KCNG1: variants seen among roughly 807,000 people sequenced by gnomAD.
KCNG1 encodes potassium voltage-gated channel modifier subfamily G member 1, also known as voltage-gated potassium channel regulatory subunit KCNG1.
In KCNG1, 17 loss-of-function variants were observed where a neutral mutation model predicts 32.4. The observed-to-expected ratio is 0.52, with a 90% CI of 0.36 to 0.79. The LOEUF (loss-of-function observed/expected upper bound fraction) is 0.79, where lower values mean the gene tolerates loss of function less well. Among genes scored for constraint, KCNG1 ranks in the 30% least tolerant of loss-of-function variants. The pLI is 0.00. For missense variants in KCNG1, 441 were observed against 735.2 expected, an observed-to-expected ratio of 0.60 and a Z score of 4.63; for synonymous variants, 358 against 339.9, an observed-to-expected ratio of 1.05 and a Z score of -0.59.
rs764338988 is a variant in KCNG1 at position 51,009,730 on chromosome 20, C to T, written c.609G>A (p.Glu203=). ...GRDSEGPAEG[E]GRLGRCMRRL... ...GCCGCATGCAGCGCCCCAGGCGGCC[C>T]TCGCCCTCGGCCGGGCCCTCGCTGT... The change falls in exon 2 of 3, where the codon GAG becomes GAA. Residue 203 remains glutamate, a synonymous_variant. Transcript: ENST00000371571. 5 of 1,606,394 alleles carry T rather than the reference C, an allele frequency of 3.1e-6. No homozygotes were observed. In the South Asian group the frequency reaches 3.3e-5, roughly 11 times the overall value.
At position 51,003,846 on chromosome 20, in the gene KCNG1, G is replaced by C; in HGVS notation, c.*193C>G. 1 of 616,184 alleles carries C rather than the reference G, an allele frequency of 1.6e-6. No individual in the cohort carries two copies. Among genetic ancestry groups the C allele is most frequent in the Non-Finnish European group, 2.8e-6 (1 of 361,102 alleles). The allele number at this position is 616,184 out of a possible 1,614,324, so 38.2% of individuals were successfully genotyped here. ...TCCTTTCACGGCTGCAGGCGGAGGG[G>C]CAGGGCCCCTCTGCTGATGTTCTAG... On this transcript the variant is annotated 3_prime_UTR_variant, in exon 3 of 3. Transcript: ENST00000371571.
In KCNG1 at chr20:51,009,919, G is replaced by A. The variant is rs777180000; in HGVS notation, c.420C>T (p.Arg140=). Reference sequence around the variant, plus strand: ...CCTGGAAGGACAGCGCGCACATCTCGCGCAGCAGCCGCAGCTTGCCCGCGC... The same window carrying A: ...CCTGGAAGGACAGCGCGCACATCTCACGCAGCAGCCGCAGCTTGCCCGCGC... ...FLRAGKLRLL[R]EMCALSFQEE... Residue 140 remains arginine (R), a synonymous_variant, in exon 2 of 3, where the codon CGC becomes CGT. Transcript: ENST00000371571. The A allele has an allele frequency of 1.2e-6, 2 of 1,613,636 alleles. No individual in the cohort carries two copies. The highest frequency in any genetic ancestry group is 2.2e-5 in the East Asian group (1 of 44,878).
chr20:51,022,665 C>T (rs1478633156), intron 1 of KCNG1: 1 of 152,268 alleles, frequency 6.6e-6, no homozygotes, highest in African/African-American at 2.4e-5. Context: ...TTGGCCGTAA[C>T]AAGCGCGCTC....
At chr20:51,022,811 C>G (rs544225124) in intron 1 of KCNG1, 59 bp downstream of exon 1, 1 of 152,352 alleles carries the variant, frequency 6.6e-6, no homozygotes, top group East Asian at 1.9e-4. Context: ...TTTGCAGGCT[C>G]GGGGTCCGGT....
Position 51,004,752 on chromosome 20 carries a change from C to A in KCNG1, c.829G>T (p.Gly277Cys). Reference sequence around the variant, plus strand: ...AGGAGGAACTCCAGGGAGAACCAGCCCACGCACACCGACTCCACGATGAAG... The same window carrying A: ...AGGAGGAACTCCAGGGAGAACCAGCACACGCACACCGACTCCACGATGAAG... ...NVFIVESVCV[G>C]WFSLEFLLRL... The change falls in exon 3 of 3, where the codon GGC (glycine) becomes TGC (cysteine). Residue 277 changes from glycine to cysteine, a missense_variant. Around this residue, in one of 6 missense-constraint regions of KCNG1, gnomAD observed 169 missense variants for 297.7 expected, o/e 0.57. Transcript: ENST00000371571. This position sits in a 1 kb window ranked among gnomAD's most constrained non-coding sequence, Gnocchi z 4.3. 6.3e-7 allele frequency: 1 copy of A among 1,591,104 alleles called. No homozygotes were observed. The highest frequency in any genetic ancestry group is 2.3e-5 in the East Asian group (1 of 43,970).
At position 51,004,362 on chromosome 20, in the gene KCNG1, C is replaced by T. The variant is rs1987734003; in HGVS notation, c.1219G>A (p.Glu407Lys). ...VIENEMADSP[E>K]FTSIPACYWW... ...TAGCAGGCAGGGATGCTGGTGAACTCGGGGCTGTCGGCCATCTCGTTCTCG... is the reference window on the plus strand; with the variant it reads ...TAGCAGGCAGGGATGCTGGTGAACTTGGGGCTGTCGGCCATCTCGTTCTCG... The change falls in exon 3 of 3, where the codon GAG (glutamate) becomes AAG (lysine). Residue 407 changes from glutamate to lysine, a missense_variant. Around this residue, in one of 6 missense-constraint regions of KCNG1, gnomAD observed 169 missense variants for 297.7 expected, o/e 0.57. Coordinates refer to ENST00000371571, the MANE Select transcript of KCNG1 (RefSeq NM_002237.4). This position sits in a 1 kb window ranked among gnomAD's most constrained non-coding sequence, Gnocchi z 4.3. The T allele has an allele frequency of 6.2e-7, 1 of 1,613,852 alleles. No individual in the cohort carries two copies. The highest frequency in any genetic ancestry group is 8.5e-7 in the Non-Finnish European group (1 of 1,179,800).
In KCNG1 at chr20:51,023,068, C is replaced by A. The variant is rs1292471757; in HGVS notation, c.-225G>T. The A allele has an allele frequency of 6.6e-6, 1 of 152,164 alleles. No homozygotes were observed. Among genetic ancestry groups the A allele is most frequent in the Non-Finnish European group, 1.5e-5 (1 of 68,024 alleles). 9.4% of individuals were successfully genotyped at this position (152,164 alleles called of 1,614,324 possible). On this transcript the variant is annotated 5_prime_UTR_variant, in exon 1 of 3. Coordinates refer to ENST00000371571, the MANE Select transcript of KCNG1 (RefSeq NM_002237.4). ...GCTCCCGCCCTCGGAGCCACGGCCG[C>A]CCCGTCTCTGCCTCCCGGTCCCCGC...
rs373738017 is a variant in KCNG1 at position 51,009,756 on chromosome 20, C to T, written c.583G>A (p.Asp195Asn). 1 of 1,609,476 alleles carries T rather than the reference C, an allele frequency of 6.2e-7. No individual in the cohort carries two copies. The highest frequency in any genetic ancestry group is 1.7e-5 in the Admixed American group (1 of 59,966). The change falls in exon 2 of 3, where the codon GAC (aspartate) becomes AAC (asparagine). Residue 195 changes from aspartate to asparagine, a missense_variant. Around this residue, in one of 6 missense-constraint regions of KCNG1, gnomAD observed 52 missense variants for 50.3 expected, o/e 1.03. Transcript: ENST00000371571. Reference sequence around the variant, plus strand: ...TCGCCCTCGGCCGGGCCCTCGCTGTCGCGGCCCTCGCTGTCCAGCGCGTCG... The same window carrying T: ...TCGCCCTCGGCCGGGCCCTCGCTGTTGCGGCCCTCGCTGTCCAGCGCGTCG... ...EDDALDSEGRDSEGPAEGEGR... is the reference protein window; with the variant it reads ...EDDALDSEGRNSEGPAEGEGR...
intron 1 of KCNG1, among the ~76,000 whole-genome samples, chr20:51,010,751 C>T (rs1393085504): frequency 6.6e-6 from 1 of 152,066 alleles, no homozygotes; most frequent in African/African-American, 2.4e-5. Flanking sequence ...AAAAACTAGC[C>T]AGGCATGGTG....
Position 51,005,030 on chromosome 20 carries a change from G to C in KCNG1, c.775-224C>G, listed in dbSNP as rs1435330859. The C allele has an allele frequency of 2.3e-6, 1 of 438,622 alleles. No homozygotes were observed. The highest frequency in any genetic ancestry group is 4.0e-6 in the Non-Finnish European group (1 of 251,894). The allele number at this position is 438,622 out of a possible 1,614,324, so 27.2% of individuals were successfully genotyped here. On this transcript the variant is annotated intron_variant, in intron 2 of 2. Transcript: ENST00000371571. This position sits in a 1 kb window ranked among gnomAD's most constrained non-coding sequence, Gnocchi z 4.0. ...ATCTCTCTCTCCAGCCCCCACCTCAGCCCTGAACTCCAGACCCCCAACAGG... is the reference window on the plus strand; with the variant it reads ...ATCTCTCTCTCCAGCCCCCACCTCACCCCTGAACTCCAGACCCCCAACAGG...
At chr20:51,018,117 T>G (rs541787784) in intron 1 of KCNG1, among the ~76,000 whole-genome samples, 1 of 152,262 alleles carries the variant, frequency 6.6e-6, no homozygotes, top group South Asian at 2.1e-4. Flanking sequence ...AGCACATGAC[T>G]GAGGGTACAG....
chr20:51,020,288 A>G (rs567529441), intron 1 of KCNG1, among the ~76,000 whole-genome samples: 57 of 152,274 alleles, frequency 3.7e-4, no homozygotes, highest in African/African-American at 1.3e-3. Flanking sequence ...AAAATTAAGC[A>G]GAGAAGCAGG....
intron 1 of KCNG1, among the ~76,000 whole-genome samples, chr20:51,020,432 C>T (rs1164471097): frequency 3.3e-5 from 5 of 152,222 alleles, no homozygotes; most frequent in Middle Eastern, 3.4e-3. Context: ...CTCAGGGCAA[C>T]GGACAGTCTT....
chr20:51,020,530 C>T (rs1364346929), intron 1 of KCNG1, among the ~76,000 whole-genome samples: 1 of 152,144 alleles, frequency 6.6e-6, no homozygotes, highest in Non-Finnish European at 1.5e-5. Context: ...TAAAAATGGT[C>T]CACAGCAATG....
chr20:51,020,798 C>A (rs902517728), intron 1 of KCNG1, among the ~76,000 whole-genome samples: 1 of 152,148 alleles, frequency 6.6e-6, no homozygotes, highest in Non-Finnish European at 1.5e-5. Flanking sequence ...AGCTGGTTTG[C>A]GTCGCTTAGC....
At position 51,022,926 on chromosome 20, in the gene KCNG1, T is replaced by C. The variant is rs6020918; in HGVS notation, c.-83A>G. On this transcript the variant is annotated 5_prime_UTR_variant, in exon 1 of 3. Coordinates refer to ENST00000371571, the MANE Select transcript of KCNG1 (RefSeq NM_002237.4). Reference sequence around the variant, plus strand: ...GAGTTGGCCCGGCCGCGGCTTCCGTTCCCCCCGGCTGCCCACGGGTCCGGG... The same window carrying C: ...GAGTTGGCCCGGCCGCGGCTTCCGTCCCCCCCGGCTGCCCACGGGTCCGGG... 95,577 of 152,118 alleles carry C rather than the reference T, an allele frequency of 0.63. 31,121 individuals are homozygous for C. Among genetic ancestry groups the C allele is most frequent in the African/African-American group, 0.83 (34,286 of 41,540 alleles). 9.4% of individuals were successfully genotyped at this position (152,118 alleles called of 1,614,324 possible). A position where few individuals can be genotyped will look rare whatever the true frequency, so the allele number is the denominator to read the frequency against.
chr20:51,007,301 T>A (rs1405060725), intron 2 of KCNG1: 8 of 151,946 alleles, frequency 5.3e-5, no homozygotes, highest in African/African-American at 1.9e-4. Flanking sequence ...TTCTCATGTC[T>A]CAGCCTCCCA....
Position 51,005,021 on chromosome 20 carries a change from C to G in KCNG1, c.775-215G>C. 1 of 461,632 alleles carries G rather than the reference C, an allele frequency of 2.2e-6. No homozygotes were observed. Among genetic ancestry groups the G allele is most frequent in the Admixed American group, 4.0e-5 (1 of 24,890 alleles). 28.6% of individuals were successfully genotyped at this position (461,632 alleles called of 1,614,324 possible). ...CCGCTCCTCATCTCTCTCTCCAGCCCCCACCTCAGCCCTGAACTCCAGACC... is the reference window on the plus strand; with the variant it reads ...CCGCTCCTCATCTCTCTCTCCAGCCGCCACCTCAGCCCTGAACTCCAGACC... On this transcript the variant is annotated intron_variant, in intron 2 of 2. Coordinates refer to ENST00000371571, the MANE Select transcript of KCNG1 (RefSeq NM_002237.4). This position sits in a 1 kb window ranked among gnomAD's most constrained non-coding sequence, Gnocchi z 4.0.
chr20:51,019,002 G>A (rs1988376594), intron 1 of KCNG1, among the ~76,000 whole-genome samples: 1 of 152,110 alleles, frequency 6.6e-6, no homozygotes, highest in South Asian at 2.1e-4. Flanking sequence ...CATGGCTGGG[G>A]AAACATATTT....
Sources: gnomAD v4.1 joint callset for allele counts (sites outside exome capture counted in the v4.1 genomes callset) on GRCh38, gnomAD v4.1.1 for gene constraint, gnomAD v4.1.1 regional missense constraint, Gnocchi (gnomAD v3.1) non-coding constraint, MANE v1.5 for transcripts, NCBI Gene and HGNC (gene_info 2026-07-23, HGNC 2026-07-21) for gene names.